The following MTA1 variants were observed in gnomAD, a reference collection of about 807,000 sequenced individuals.
MTA1 encodes metastasis-associated protein MTA1.
MTA1 carries 15 observed loss-of-function variants against 97.0 expected under a neutral mutation model. The ratio of observed to expected loss-of-function variants is 0.15; its 90% confidence interval spans 0.10 to 0.24. MTA1 has a LOEUF of 0.24. MTA1 is among the 10% of genes least tolerant of loss of function. MTA1 has a pLI of 1.00. For missense variants in MTA1, 709 were observed against 1,015.1 expected, an observed-to-expected ratio of 0.70 and a Z score of 4.10; for synonymous variants, 435 against 417.5, an observed-to-expected ratio of 1.04 and a Z score of -0.51.
chr14:105,466,862 C>A (rs2083613446), intron 18 of MTA1, 120 bp downstream of exon 18: 1 of 1,010,810 alleles, frequency 9.9e-7, no homozygotes, highest in Non-Finnish European at 1.4e-6. Flanking sequence ...TCCACGTGAG[C>A]CAGGCCACAG....
intron 1 of MTA1, among the ~76,000 whole-genome samples, chr14:105,432,217 A>G (rs1476964321): frequency 2.0e-5 from 3 of 151,794 alleles, no homozygotes; most frequent in Admixed American, 6.6e-5. Context: ...GTGAAGTTCT[A>G]TTGCTTTTTT....
At position 105,470,568 on chromosome 14, in the gene MTA1, T is replaced by C; in HGVS notation, c.*353T>C. 1 of 221,114 alleles carries C rather than the reference T, an allele frequency of 4.5e-6. No homozygotes were observed. Among genetic ancestry groups the C allele is most frequent in the Non-Finnish European group, 8.7e-6 (1 of 114,556 alleles). The allele number at this position is 221,114 out of a possible 1,614,324, so 13.7% of individuals were successfully genotyped here. On this transcript the variant is annotated 3_prime_UTR_variant, in exon 21 of 21. Coordinates refer to ENST00000331320, the MANE Select transcript of MTA1 (RefSeq NM_004689.4). ...TTTAAATTTTATTTTTATTACTTTT[T>C]TTGTAGATGAACTTGAGCTCTGTAA...
intron 10 of MTA1, among the ~76,000 whole-genome samples, chr14:105,461,391 A>G (rs780417876): frequency 7.2e-5 from 11 of 151,952 alleles, no homozygotes; most frequent in Non-Finnish European, 1.6e-4. Flanking sequence ...CAGCAGGCCT[A>G]GAGAGTCTTC....
At chr14:105,466,358 G>T (rs961868360) in intron 16 of MTA1, 68 bp from the exon 17 acceptor site, 19 of 1,416,620 alleles carry the variant, frequency 1.3e-5, no homozygotes, top group Non-Finnish European at 1.9e-5. Flanking sequence ...GAGGGCTGGA[G>T]CCTGGGCCTG....
In MTA1 at chr14:105,460,899, C is replaced by T. The variant is rs146792849; in HGVS notation, c.888C>T (p.Phe296=). The change falls in exon 10 of 21, where the codon TTC becomes TTT. Residue 296 remains phenylalanine, a synonymous_variant. Transcript: ENST00000331320. The stretch of plus-strand genomic sequence containing the variant: ...GGTCTGCATCAGAGGCCAACCTTTT[C>T]GAGGAAGCCCTGGAAAAATATGGGA... ...EEWSASEANL[F]EEALEKYGKD... 4.7e-5 allele frequency: 75 copies of T among 1,612,864 alleles called. No individual in the cohort carries two copies. The highest frequency in any genetic ancestry group is 6.1e-5 in the Non-Finnish European group (72 of 1,179,730).
chr14:105,469,678 G>C, intron 19 of MTA1, 163 bp from the exon 20 acceptor site: 1 of 1,230,690 alleles, frequency 8.1e-7, no homozygotes, highest in Non-Finnish European at 1.1e-6. Flanking sequence ...AGCGGTGTGC[G>C]GCCGACCAGC....
chr14:105,421,936 C>G (rs1254440974), intron 1 of MTA1, among the ~76,000 whole-genome samples: 3 of 152,240 alleles, frequency 2.0e-5, no homozygotes, highest in Non-Finnish European at 2.9e-5. Flanking sequence ...GGCCTGGACT[C>G]CTAGGCTGTG....
chr14:105,447,194 G>A (rs1161260278), intron 3 of MTA1, among the ~76,000 whole-genome samples: 4 of 152,096 alleles, frequency 2.6e-5, no homozygotes, highest in Non-Finnish European at 4.4e-5. Context: ...GGCCTGGCTC[G>A]CTGGAGAAGC....
At chr14:105,428,958 C>G (rs587606313) in intron 1 of MTA1, among the ~76,000 whole-genome samples, 32 of 152,294 alleles carry the variant, frequency 2.1e-4, no homozygotes, top group Admixed American at 1.5e-3. Context: ...CCCCTGGCCT[C>G]AAGTGATCCT....
At position 105,449,426 on chromosome 14, in the gene MTA1, G is replaced by C; in HGVS notation, c.241+17G>C. 1 of 1,608,830 alleles carries C rather than the reference G, an allele frequency of 6.2e-7. No individual in the cohort carries two copies. Among genetic ancestry groups the C allele is most frequent in the South Asian group, 1.1e-5 (1 of 90,468 alleles). The stretch of plus-strand genomic sequence containing the variant: ...GCGAGGAAGGTAAGAGCCGGCCTCC[G>C]CAAGGAGGGCGTCCTCCTGTCTGTG... On this transcript the variant is annotated intron_variant, in intron 4 of 20. Coordinates refer to ENST00000331320, the MANE Select transcript of MTA1 (RefSeq NM_004689.4).
At chr14:105,446,988 G>T (rs2082738909) in intron 3 of MTA1, among the ~76,000 whole-genome samples, 1 of 152,248 alleles carries the variant, frequency 6.6e-6, no homozygotes, top group Admixed American at 6.5e-5. Flanking sequence ...CACTCGGCGG[G>T]CTCCAGGCAC....
intron 2 of MTA1, 135 bp downstream of exon 2, chr14:105,438,874 T>G (rs1279848030): frequency 1.2e-6 from 1 of 830,778 alleles, no homozygotes; most frequent in Middle Eastern, 3.6e-4. Flanking sequence ...GGCCCTTCAG[T>G]GACTCCGTCC....
intron 3 of MTA1, among the ~76,000 whole-genome samples, chr14:105,446,938 C>T (rs1322952319): frequency 6.6e-6 from 1 of 152,160 alleles, no homozygotes; most frequent in Non-Finnish European, 1.5e-5. Context: ...GCATGGTGAT[C>T]CTTGACCTCT....
intron 6 of MTA1, among the ~76,000 whole-genome samples, chr14:105,453,683 C>T: frequency 6.6e-6 from 1 of 152,026 alleles, no homozygotes. Context: ...TGGTGGTGGG[C>T]ACCTGTAATC....
chr14:105,442,358 C>T (rs1486599719), intron 2 of MTA1, among the ~76,000 whole-genome samples: 5 of 152,198 alleles, frequency 3.3e-5, no homozygotes, highest in Non-Finnish European at 7.4e-5. Context: ...GAGGGAGGCG[C>T]AGGTTCCTCC....
Position 105,424,370 on chromosome 14 carries a change from A to ATTT in MTA1, c.28+4318_28+4320dup, listed in dbSNP as rs1193699679. ...CACCATGCCTGGCTAATGTTTTGTA[A>ATTT]TTTTTTTTTTTTTGTAGAGACGGGG... On this transcript the variant is annotated intron_variant, in intron 1 of 20. Transcript: ENST00000331320. This position sits in a 1 kb window ranked among gnomAD's most constrained non-coding sequence, Gnocchi z 4.0. Among the ~76,000 whole-genome samples the ATTT allele has an allele frequency of 7.0e-6, 1 of 143,184 alleles. No individual in the cohort carries two copies. Among genetic ancestry groups the ATTT allele is most frequent in the Non-Finnish European group, 1.5e-5 (1 of 65,064 alleles). The allele number at this position is 143,184 out of a possible 152,430, so 93.9% of individuals were successfully genotyped here.
Position 105,424,225 on chromosome 14 carries a change from C to T in MTA1, c.28+4162C>T, listed in dbSNP as rs1219448502. ...CCTTTGTTTTTTTGAGACGGAGTCT[C>T]GCTCTGTCCCCCAGGCTGGAGTGCA... On this transcript the variant is annotated intron_variant, in intron 1 of 20. Coordinates refer to ENST00000331320, the MANE Select transcript of MTA1 (RefSeq NM_004689.4). The surrounding 1 kb of genome is among the most constrained non-coding windows in gnomAD (Gnocchi z 4.0). 1.3e-5 allele frequency among the ~76,000 whole-genome samples: 2 copies of T among 152,218 alleles called. No individual in the cohort carries two copies. Among genetic ancestry groups the T allele is most frequent in the African/African-American group, 2.4e-5 (1 of 41,454 alleles).
intron 1 of MTA1, among the ~76,000 whole-genome samples, chr14:105,434,487 G>A (rs932814379): frequency 1.5e-5 from 2 of 132,774 alleles, no homozygotes; most frequent in Non-Finnish European, 3.1e-5. Flanking sequence ...CGTAGAAAGA[G>A]GACTTTTTTT....
At chr14:105,431,346 G>T (rs2082173364) in intron 1 of MTA1, among the ~76,000 whole-genome samples, 1 of 152,114 alleles carries the variant, frequency 6.6e-6, no homozygotes, top group Non-Finnish European at 1.5e-5. Context: ...TTACAGGCAT[G>T]AGCCACTGTG....
Sources: gnomAD v4.1 joint callset for allele counts (sites outside exome capture counted in the v4.1 genomes callset) on GRCh38, gnomAD v4.1.1 for gene constraint, Gnocchi (gnomAD v3.1) non-coding constraint, MANE v1.5 for transcripts, NCBI Gene and HGNC (gene_info 2026-07-23, HGNC 2026-07-21) for gene names.